The following NKAIN2 variants were observed in gnomAD, a reference collection of about 807,000 sequenced individuals.
NKAIN2 encodes sodium/potassium transporting ATPase interacting 2, also known as sodium/potassium-transporting ATPase subunit beta-1-interacting protein 2.
NKAIN2 carries 14 observed loss-of-function variants against 32.6 expected under a neutral mutation model. That is an observed-to-expected ratio of 0.43 (90% CI 0.28 to 0.67). The LOEUF is 0.67. Ranked by LOEUF, NKAIN2 falls within the 30% of genes least tolerant of loss-of-function variation. The probability of loss-of-function intolerance (pLI) is 0.17; values close to 1 mark genes in which losing one functional copy is unlikely to be tolerated. For synonymous variants in NKAIN2, 80 were observed against 87.2 expected, an observed-to-expected ratio of 0.92 and a Z score of 0.46; for missense variants, 198 against 258.3, an observed-to-expected ratio of 0.77 and a Z score of 1.60.
chr6:124,796,325 C>A (rs1038614532), intron 5 of NKAIN2, among the ~76,000 whole-genome samples: 1 of 152,154 alleles, frequency 6.6e-6, no homozygotes, highest in Non-Finnish European at 1.5e-5. Context: ...ATCCTTATGA[C>A]CCCATTTAAC....
chr6:124,613,835 T>G (rs9388347), intron 3 of NKAIN2, among the ~76,000 whole-genome samples: 26,236 of 152,192 alleles, frequency 0.17, 2,471 homozygotes, highest in Middle Eastern at 0.24. Flanking sequence ...TTCATCACTC[T>G]TTGTCTAGTG....
intron 1 of NKAIN2, among the ~76,000 whole-genome samples, chr6:124,043,885 T>C (rs1049318251): frequency 2.0e-5 from 3 of 152,058 alleles, no homozygotes; most frequent in East Asian, 1.9e-4. Flanking sequence ...TCATACACAT[T>C]ATTAAACACT....
intron 1 of NKAIN2, among the ~76,000 whole-genome samples, chr6:124,256,084 C>T (rs999734425): frequency 6.6e-6 from 1 of 152,108 alleles, no homozygotes; most frequent in Non-Finnish European, 1.5e-5. Flanking sequence ...GGAGTGTTAA[C>T]GTGTTAGTCT....
At chr6:124,060,335 A>T (rs952995656) in intron 1 of NKAIN2, among the ~76,000 whole-genome samples, 3 of 152,170 alleles carry the variant, frequency 2.0e-5, no homozygotes, top group African/African-American at 7.2e-5. Context: ...ATTAGCCTCT[A>T]TGCAGTTGTT....
chr6:124,773,334 T>TGG (rs200263998), intron 4 of NKAIN2, among the ~76,000 whole-genome samples: 1 of 151,548 alleles, frequency 6.6e-6, no homozygotes, highest in African/African-American at 2.4e-5. Context: ...GTGCGAGTGG[T>TGG]GGGGGGGTCA....
At chr6:124,343,244 G>T (rs1198700170) in intron 2 of NKAIN2, among the ~76,000 whole-genome samples, 1 of 152,006 alleles carries the variant, frequency 6.6e-6, no homozygotes, top group South Asian at 2.1e-4. Context: ...TGGACATTTG[G>T]GTTGGTTCCA....
At chr6:124,674,006 T>C (rs550721902) in intron 4 of NKAIN2, among the ~76,000 whole-genome samples, 2 of 152,140 alleles carry the variant, frequency 1.3e-5, no homozygotes, top group East Asian at 3.9e-4. Context: ...TTTTACAGCT[T>C]CTTAAGCCTT....
intron 4 of NKAIN2, 139 bp downstream of exon 4, chr6:124,658,525 GA>G: frequency 2.0e-6 from 3 of 1,493,896 alleles, no homozygotes; most frequent in Non-Finnish European, 2.7e-6. Flanking sequence ...CTTTTAACAG[GA>G]AATCCTCAGG....
At chr6:124,588,263 G>A (rs1381598925) in intron 3 of NKAIN2, among the ~76,000 whole-genome samples, 1 of 152,044 alleles carries the variant, frequency 6.6e-6, no homozygotes, top group Non-Finnish European at 1.5e-5. Flanking sequence ...CTTTAAGTAT[G>A]AATTTTTTGT....
intron 1 of NKAIN2, among the ~76,000 whole-genome samples, chr6:124,214,958 T>A (rs552769441): frequency 6.6e-6 from 1 of 152,130 alleles, no homozygotes; most frequent in Non-Finnish European, 1.5e-5. Flanking sequence ...AGAGATGATT[T>A]TTGAGAAAAG....
chr6:123,900,544 T>G (rs1198091720), intron 1 of NKAIN2, among the ~76,000 whole-genome samples: 8 of 97,386 alleles, frequency 8.2e-5, no homozygotes, highest in Non-Finnish European at 1.3e-4. Context: ...TTTTTTTTTT[T>G]TTTTTTTTTT....
chr6:124,416,461 C>T (rs559039497), intron 3 of NKAIN2, among the ~76,000 whole-genome samples: 5 of 152,020 alleles, frequency 3.3e-5, no homozygotes, highest in Non-Finnish European at 7.4e-5. Flanking sequence ...CATAGCAAAA[C>T]CCTGTCTTTA....
At chr6:124,141,917 C>T (rs1562381903) in intron 1 of NKAIN2, among the ~76,000 whole-genome samples, 1 of 152,138 alleles carries the variant, frequency 6.6e-6, no homozygotes, top group East Asian at 1.9e-4. Flanking sequence ...GCTTTTCTCC[C>T]TGTTGTTCAT....
chr6:124,193,003 C>T (rs1415072533), intron 1 of NKAIN2, among the ~76,000 whole-genome samples: 1 of 152,104 alleles, frequency 6.6e-6, no homozygotes, highest in African/African-American at 2.4e-5. Context: ...CTCGCCTTGG[C>T]CTCCTAAAGT....
chr6:123,962,533 TC>T (rs151333689), intron 1 of NKAIN2, among the ~76,000 whole-genome samples: 31 of 152,346 alleles, frequency 2.0e-4, no homozygotes, highest in African/African-American at 7.5e-4. Flanking sequence ...TTGAGGAATT[TC>T]TACGTTTACT....
intron 3 of NKAIN2, among the ~76,000 whole-genome samples, chr6:124,581,518 T>C (rs1048884038): frequency 2.0e-5 from 3 of 149,832 alleles, no homozygotes; most frequent in African/African-American, 7.4e-5. Context: ...AACTAGTAGA[T>C]ATTTACAGAA....
chr6:123,924,868 G>A (rs924075684), intron 1 of NKAIN2, among the ~76,000 whole-genome samples: 9 of 152,010 alleles, frequency 5.9e-5, no homozygotes, highest in African/African-American at 2.2e-4. Context: ...GAGATAATGT[G>A]TGAGATCCTT....
intron 4 of NKAIN2, among the ~76,000 whole-genome samples, chr6:124,701,562 T>C (rs1403932470): frequency 1.3e-5 from 2 of 152,132 alleles, no homozygotes; most frequent in African/African-American, 4.8e-5. Flanking sequence ...AAGTAAGTGA[T>C]AAAGTGAGTT....
intron 1 of NKAIN2, among the ~76,000 whole-genome samples, chr6:124,144,247 T>C (rs1339434244): frequency 6.6e-6 from 1 of 152,182 alleles, no homozygotes; most frequent in Non-Finnish European, 1.5e-5. Flanking sequence ...GGAGATTTTG[T>C]CCTATCATAT....
Sources: gnomAD v4.1 joint callset for allele counts (sites outside exome capture counted in the v4.1 genomes callset) on GRCh38, gnomAD v4.1.1 for gene constraint, MANE v1.5 for transcripts, NCBI Gene and HGNC (gene_info 2026-07-23, HGNC 2026-07-21) for gene names.